ZFYVE9: variants seen among roughly 807,000 people sequenced by gnomAD.
ZFYVE9 encodes the protein zinc finger FYVE-type containing 9.
A neutral mutation model predicts 126.7 loss-of-function variants in ZFYVE9; 43 were observed. That is an observed-to-expected ratio of 0.34 (90% confidence interval 0.27 to 0.44). The LOEUF (loss-of-function observed/expected upper bound fraction) is 0.44, where lower values mean the gene tolerates loss of function less well. Ranked by LOEUF, ZFYVE9 falls within the 20% of genes least tolerant of loss-of-function variation. The probability of loss-of-function intolerance (pLI) is 1.00; values close to 1 mark genes in which losing one functional copy is unlikely to be tolerated. For missense variants in ZFYVE9, 1,476 were observed against 1,697.0 expected (o/e 0.87, Z 2.29); for synonymous variants, 521 against 597.4 (o/e 0.87, Z 1.87).
chr1:52,325,804 T>G (rs569916903), intron 13 of ZFYVE9, among the ~76,000 whole-genome samples: 3 of 152,346 alleles, frequency 2.0e-5, no homozygotes, highest in African/African-American at 4.8e-5. Flanking sequence ...AACTCCTCTA[T>G]AAATCCTTTC....
intron 11 of ZFYVE9, 26 bp from the exon 12 acceptor site, chr1:52,295,869 A>G (rs1645969023): frequency 1.3e-6 from 2 of 1,589,588 alleles, no homozygotes; most frequent in East Asian, 2.2e-5. Flanking sequence ...GCCAAATTTA[A>G]GTTTGATCAT....
intron 13 of ZFYVE9, among the ~76,000 whole-genome samples, chr1:52,305,716 C>T (rs1646077118): frequency 6.6e-6 from 1 of 152,138 alleles, no homozygotes; most frequent in African/African-American, 2.4e-5. Flanking sequence ...TCCCCCCTTG[C>T]AGGCACAGCT....
intron 1 of ZFYVE9, among the ~76,000 whole-genome samples, chr1:52,175,797 C>T (rs929207453): frequency 1.2e-4 from 19 of 152,322 alleles, no homozygotes; most frequent in South Asian, 6.2e-4. Flanking sequence ...TTGATCGCAT[C>T]GGCTCCTGAG....
At chr1:52,262,290 C>T (rs1645587211) in intron 4 of ZFYVE9, among the ~76,000 whole-genome samples, 1 of 152,182 alleles carries the variant, frequency 6.6e-6, no homozygotes, top group African/African-American at 2.4e-5. Flanking sequence ...AAGATTTCAA[C>T]ATAGGAGTTT....
At chr1:52,308,418 C>T (rs1456592410) in intron 13 of ZFYVE9, among the ~76,000 whole-genome samples, 2 of 152,104 alleles carry the variant, frequency 1.3e-5, no homozygotes, top group Non-Finnish European at 2.9e-5. Flanking sequence ...AACTCCTGGG[C>T]TTAAGTGATA....
chr1:52,336,378 T>G (rs1247289603), intron 15 of ZFYVE9, among the ~76,000 whole-genome samples: 1 of 139,486 alleles, frequency 7.2e-6, no homozygotes, highest in African/African-American at 3.0e-5. Flanking sequence ...GTTTTTTTTT[T>G]TTTTTTTTTA....
In ZFYVE9 at chr1:52,238,819, A is replaced by T; in HGVS notation, c.1402A>T (p.Thr468Ser). The T allele has an allele frequency of 6.2e-7, 1 of 1,614,158 alleles. No homozygotes were observed. Among genetic ancestry groups the T allele is most frequent in the African/African-American group, 1.3e-5 (1 of 75,068 alleles). ...ATGTGATTTCTCCACTGTTATAGACACACCAGCAGCAAATTATCTATCTAA... is the reference window on the plus strand; with the variant it reads ...ATGTGATTTCTCCACTGTTATAGACTCACCAGCAGCAAATTATCTATCTAA... ...EECDFSTVID[T>S]PAANYLSNGC... The change falls in exon 4 of 19, where the codon ACA (threonine) becomes TCA (serine). Residue 468 changes from threonine (T) to serine (S), a missense_variant. Transcript: ENST00000287727.
chr1:52,182,757 A>G (rs1644724197), intron 1 of ZFYVE9, among the ~76,000 whole-genome samples: 1 of 137,642 alleles, frequency 7.3e-6, no homozygotes, highest in African/African-American at 3.5e-5. Context: ...AAAAAATAAA[A>G]TAAAAAATAA....
At chr1:52,250,432 G>A (rs1253296406) in intron 4 of ZFYVE9, among the ~76,000 whole-genome samples, 1 of 152,084 alleles carries the variant, frequency 6.6e-6, no homozygotes, top group African/African-American at 2.4e-5. Flanking sequence ...TTATTAGTAT[G>A]TAGAAATGCA....
At position 52,198,120 on chromosome 1, in the gene ZFYVE9, G is replaced by GTTTTTTTT. The variant is rs373096573; in HGVS notation, c.-142-18246_-142-18245insTTTTTTTT. The stretch of plus-strand genomic sequence containing the variant: ...AAATAATATTGTAGTGTTTTTTTTT[G>GTTTTTTTT]TTTGTTTTTTTTTTTTTTTGAGATG... On this transcript the variant is annotated intron_variant, in intron 1 of 18. Transcript: ENST00000287727. Among the ~76,000 whole-genome samples, 76 of 111,092 alleles carry GTTTTTTTT rather than the reference G, an allele frequency of 6.8e-4. 16 individuals carry two copies. The highest frequency in any genetic ancestry group is 1.1e-3 in the Admixed American group (10 of 8,900). The allele number at this position is 111,092 out of a possible 152,430, so 72.9% of individuals were successfully genotyped here. A position where few individuals can be genotyped will look rare whatever the true frequency, so the allele number is the denominator to read the frequency against.
chr1:52,153,390 T>C (rs917929426), intron 1 of ZFYVE9, among the ~76,000 whole-genome samples: 7 of 152,180 alleles, frequency 4.6e-5, no homozygotes, highest in African/African-American at 1.7e-4. Flanking sequence ...GTAGTCTAAA[T>C]TGCCCTTGCC....
chr1:52,185,250 A>G (rs1273135653), intron 1 of ZFYVE9, among the ~76,000 whole-genome samples: 1 of 152,138 alleles, frequency 6.6e-6, no homozygotes, highest in East Asian at 1.9e-4. Flanking sequence ...TTTAATTTTC[A>G]TTAACAAAGG....
At chr1:52,305,750 G>A (rs1367996905) in intron 13 of ZFYVE9, among the ~76,000 whole-genome samples, 2 of 152,116 alleles carry the variant, frequency 1.3e-5, no homozygotes, top group Non-Finnish European at 2.9e-5. Context: ...TTGTGGCTAC[G>A]GACCCAGGCA....
At chr1:52,185,910 C>T (rs1322503098) in intron 1 of ZFYVE9, among the ~76,000 whole-genome samples, 1 of 140,632 alleles carries the variant, frequency 7.1e-6, no homozygotes, top group Non-Finnish European at 1.5e-5. Flanking sequence ...CAGAGTGAGA[C>T]TCCGTCTCAA....
At chr1:52,195,087 C>T (rs532227775) in intron 1 of ZFYVE9, among the ~76,000 whole-genome samples, 1 of 152,284 alleles carries the variant, frequency 6.6e-6, no homozygotes, top group Admixed American at 6.5e-5. Context: ...GTAGTGCTTA[C>T]TGCATCTGTA....
intron 2 of ZFYVE9, among the ~76,000 whole-genome samples, chr1:52,224,990 T>A (rs1442311575): frequency 1.3e-5 from 2 of 152,144 alleles, no homozygotes; most frequent in Admixed American, 6.5e-5. Context: ...TGTAATCCCC[T>A]GACTGGAAAA....
intron 2 of ZFYVE9, among the ~76,000 whole-genome samples, chr1:52,232,728 CAAAAAAAAAAAAAAAAAA>C (rs552213191): frequency 3.7e-5 from 1 of 27,344 alleles, no homozygotes; most frequent in African/African-American, 1.0e-4. Context: ...GACTCTGTCT[CAAAAAAAAAAAAAAAAAA>C]AAAAAAAAGG....
intron 12 of ZFYVE9, among the ~76,000 whole-genome samples, chr1:52,303,441 A>G (rs2147841786): frequency 6.6e-6 from 1 of 152,276 alleles, no homozygotes; most frequent in South Asian, 2.1e-4. Flanking sequence ...AGTGCCTAAG[A>G]TGTTCCAGGC....
chr1:52,243,850 G>A (rs1645358762), intron 4 of ZFYVE9, among the ~76,000 whole-genome samples: 1 of 152,102 alleles, frequency 6.6e-6, no homozygotes, highest in Non-Finnish European at 1.5e-5. Flanking sequence ...GGGAAGCCAT[G>A]GGAGTGGATG....
Sources: gnomAD v4.1 joint callset for allele counts (sites outside exome capture counted in the v4.1 genomes callset) on GRCh38, gnomAD v4.1.1 for gene constraint, MANE v1.5 for transcripts, NCBI Gene and HGNC (gene_info 2026-07-23, HGNC 2026-07-21) for gene names.